TIGD5: variants seen among roughly 807,000 people sequenced by gnomAD.
The protein encoded by TIGD5 is tigger transposable element-derived protein 5.
Under a neutral mutation model 28.8 loss-of-function variants are expected in TIGD5, and 24 were observed. That is an observed-to-expected ratio of 0.83 (90% CI 0.60 to 1.17). TIGD5 has a LOEUF of 1.17. Among genes scored for constraint, TIGD5 ranks in the 50% most tolerant of loss-of-function variants. The probability of loss-of-function intolerance (pLI) is 0.00; values close to 1 mark genes in which losing one functional copy is unlikely to be tolerated. For missense variants in TIGD5, 922 were observed against 911.4 expected, an observed-to-expected ratio of 1.01 and a Z score of -0.15; for synonymous variants, 538 against 430.5, an observed-to-expected ratio of 1.25 and a Z score of -3.09.
In TIGD5 at chr8:143,599,416, G is replaced by A; in HGVS notation, c.1513G>A (p.Glu505Lys). The A allele has an allele frequency of 6.4e-7, 1 of 1,569,090 alleles. No individual in the cohort carries two copies. Among genetic ancestry groups the A allele is most frequent in the Non-Finnish European group, 8.6e-7 (1 of 1,157,870 alleles). ...GQPAQAEEAA[E>K]HSRVLSDLTH... ...GCCGGCCCAGGCCGAGGAAGCCGCC[G>A]AGCACAGCAGGGTGCTCAGCGACCT... Residue 505 changes from glutamate (E) to lysine (K), a missense_variant, in exon 1 of 1, where the codon GAG (glutamate) becomes AAG (lysine). This residue lies in a region of TIGD5 where 821 missense variants were observed against 815.2 expected (regional missense o/e 1.01). Coordinates refer to ENST00000504548, the MANE Select transcript of TIGD5 (RefSeq NM_032862.5).
Position 143,597,842 on chromosome 8 carries a change from C to A in TIGD5, c.-62C>A, listed in dbSNP as rs929246960. The A allele has an allele frequency of 1.4e-5, 6 of 431,148 alleles. No homozygotes were observed. The highest frequency in any genetic ancestry group is 1.1e-4 in the African/African-American group (5 of 46,544). The allele number at this position is 431,148 out of a possible 1,614,324, so 26.7% of individuals were successfully genotyped here. Reference sequence around the variant, plus strand: ...GCGGCCCCGCCCCCGAGTGCCCCGCCCCGAGCGGCTGGGCGTGTGGCTCCC... The same window carrying A: ...GCGGCCCCGCCCCCGAGTGCCCCGCACCGAGCGGCTGGGCGTGTGGCTCCC... On this transcript the variant is annotated 5_prime_UTR_variant, in exon 1 of 1. Coordinates refer to ENST00000504548, the MANE Select transcript of TIGD5 (RefSeq NM_032862.5).
At position 143,599,395 on chromosome 8, in the gene TIGD5, G is replaced by A. The variant is rs1228807987; in HGVS notation, c.1492G>A (p.Ala498Thr). Residue 498 changes from alanine to threonine, a missense_variant, in exon 1 of 1, where the codon GCC becomes ACC. By Grantham distance (58) the Ala-to-Thr change is moderately conservative. Transcript: ENST00000504548. The part of the protein sequence containing the change: ...RPGEDSAGQP[A>T]QAEEAAEHSR... Reference sequence around the variant, plus strand: ...CGGCGAGGACAGTGCTGGGCAGCCGGCCCAGGCCGAGGAAGCCGCCGAGCA... The same window carrying A: ...CGGCGAGGACAGTGCTGGGCAGCCGACCCAGGCCGAGGAAGCCGCCGAGCA... 1.3e-6 allele frequency: 2 copies of A among 1,566,524 alleles called. No individual in the cohort carries two copies. Among genetic ancestry groups the A allele is most frequent in the South Asian group, 2.3e-5 (2 of 86,326 alleles).
rs539515504 is a variant in TIGD5 at position 143,602,022 on chromosome 8, G to C, written c.*2190G>C. 1.3e-5 allele frequency: 2 copies of C among 151,394 alleles called. No homozygotes were observed. The highest frequency in any genetic ancestry group is 3.9e-4 in the East Asian group (2 of 5,134). 9.4% of individuals were successfully genotyped at this position (151,394 alleles called of 1,614,324 possible). A position where few individuals can be genotyped will look rare whatever the true frequency, so the allele number is the denominator to read the frequency against. On this transcript the variant is annotated 3_prime_UTR_variant, in exon 1 of 1. Coordinates refer to ENST00000504548, the MANE Select transcript of TIGD5 (RefSeq NM_032862.5). The stretch of plus-strand genomic sequence containing the variant: ...GAGGCACGAGAAATGCTTGAAGCCA[G>C]AAGGCAGAGATTGCAGTGAGCCAAG...
chr8:143,599,680 C>A lies in TIGD5; in HGVS notation c.1777C>A (p.Arg593=). ...TSVPTAGEAV[R]GLETALRWLE... ...AGTGCCGACTGCCGGGGAGGCCGTG[C>A]GGGGGCTAGAAACAGCTCTGCGGTG... Residue 593 remains arginine (R), a synonymous_variant, in exon 1 of 1, where the codon CGG becomes AGG. Transcript: ENST00000504548. The A allele has an allele frequency of 6.6e-7, 1 of 1,517,920 alleles. No homozygotes were observed. 94.0% of individuals were successfully genotyped at this position (1,517,920 alleles called of 1,614,324 possible).
rs934117269 is a variant in TIGD5 at position 143,602,889 on chromosome 8, G to C, written c.*3057G>C. The C allele has an allele frequency of 6.6e-6, 1 of 152,344 alleles. No homozygotes were observed. The highest frequency in any genetic ancestry group is 1.5e-5 in the Non-Finnish European group (1 of 68,090). The allele number at this position is 152,344 out of a possible 1,614,324, so 9.4% of individuals were successfully genotyped here. A position where few individuals can be genotyped will look rare whatever the true frequency, so the allele number is the denominator to read the frequency against. ...AAACCACCCGACCCGCGTTTTCAGG[G>C]GGACGAGGCCACTGCCTTGGCCCAA... On this transcript the variant is annotated 3_prime_UTR_variant, in exon 1 of 1. Transcript: ENST00000504548.
At position 143,597,848 on chromosome 8, in the gene TIGD5, C is replaced by A; in HGVS notation, c.-56C>A. On this transcript the variant is annotated 5_prime_UTR_variant, in exon 1 of 1. Transcript: ENST00000504548. ...CCGCCCCCGAGTGCCCCGCCCCGAG[C>A]GGCTGGGCGTGTGGCTCCCGCGACC... 1.9e-6 allele frequency: 1 copy of A among 512,950 alleles called. No individual in the cohort carries two copies. The highest frequency in any genetic ancestry group is 2.5e-6 in the Non-Finnish European group (1 of 400,670). 31.8% of individuals were successfully genotyped at this position (512,950 alleles called of 1,614,324 possible).
chr8:143,599,927 C>A lies in TIGD5; in HGVS notation c.*95C>A. The A allele has an allele frequency of 7.5e-7, 1 of 1,341,052 alleles. No individual in the cohort carries two copies. The highest frequency in any genetic ancestry group is 2.7e-5 in the East Asian group (1 of 37,546). The allele number at this position is 1,341,052 out of a possible 1,614,324, so 83.1% of individuals were successfully genotyped here. A position where few individuals can be genotyped will look rare whatever the true frequency, so the allele number is the denominator to read the frequency against. On this transcript the variant is annotated 3_prime_UTR_variant, in exon 1 of 1. Coordinates refer to ENST00000504548, the MANE Select transcript of TIGD5 (RefSeq NM_032862.5). The stretch of plus-strand genomic sequence containing the variant: ...CTCCTCCCCTCCCCCTGGGGTGGCC[C>A]ACCGCATGGGTACAGGGGGTTCCAG...
At position 143,599,797 on chromosome 8, in the gene TIGD5, G is replaced by A. The variant is rs575153535; in HGVS notation, c.1894G>A (p.Gly632Arg). Residue 632 changes from glycine (G) to arginine (R), a missense_variant, in exon 1 of 1, where the codon GGG (glycine) becomes AGG (arginine). Around this residue, in one of 3 missense-constraint regions of TIGD5, gnomAD observed 821 missense variants for 815.2 expected, o/e 1.01. Coordinates refer to ENST00000504548, the MANE Select transcript of TIGD5 (RefSeq NM_032862.5). ...CATGGCCCGGAGGCTGGGGGGCATC[G>A]GGCATACCCCAGCAGGCCCCTATGA... The part of the protein sequence containing the change: ...ISMARRLGGI[G>R]HTPAGPYDGV The A allele has an allele frequency of 5.7e-5, 84 of 1,485,042 alleles. No individual in the cohort carries two copies. Among genetic ancestry groups the A allele is most frequent in the African/African-American group, 4.7e-4 (33 of 70,794 alleles). The allele number at this position is 1,485,042 out of a possible 1,614,324, so 92.0% of individuals were successfully genotyped here.
In TIGD5 at chr8:143,603,087, A is replaced by C. The variant is rs1277174246; in HGVS notation, c.*3255A>C. ...GGGAGCAGCCCCAACAGCATGTCGG[A>C]GTCCCTAGGCTTGTGGGGTCATGCT... On this transcript the variant is annotated 3_prime_UTR_variant, in exon 1 of 1. Coordinates refer to ENST00000504548, the MANE Select transcript of TIGD5 (RefSeq NM_032862.5). 1 of 152,210 alleles carries C rather than the reference A, an allele frequency of 6.6e-6. No homozygotes were observed. Among genetic ancestry groups the C allele is most frequent in the Admixed American group, 6.5e-5 (1 of 15,284 alleles). 9.4% of individuals were successfully genotyped at this position (152,210 alleles called of 1,614,324 possible).
At position 143,598,665 on chromosome 8, in the gene TIGD5, G is replaced by GC; in HGVS notation, c.767dup (p.Ala258ArgfsTer77). 1 of 1,499,202 alleles carries GC rather than the reference G, an allele frequency of 6.7e-7. No individual in the cohort carries two copies. Among genetic ancestry groups the GC allele is most frequent in the Admixed American group, 2.3e-5 (1 of 43,038 alleles). 92.9% of individuals were successfully genotyped at this position (1,499,202 alleles called of 1,614,324 possible). A position where few individuals can be genotyped will look rare whatever the true frequency, so the allele number is the denominator to read the frequency against. On this transcript the variant is annotated frameshift_variant, in exon 1 of 1. Coordinates refer to ENST00000504548, the MANE Select transcript of TIGD5 (RefSeq NM_032862.5). LOFTEE classifies it high-confidence loss of function. The surrounding 1 kb of genome is among the most constrained non-coding windows in gnomAD (Gnocchi z 6.6). The stretch of plus-strand genomic sequence containing the variant: ...GGAAGCTGCTTCCGGAGCAGGCTGC[G>GC]CCCCCGGGCGCAGGGGACCCCGGGG...
At position 143,599,406 on chromosome 8, in the gene TIGD5, G is replaced by A; in HGVS notation, c.1503G>A (p.Glu501=). Residue 501 remains glutamate (E), a synonymous_variant, in exon 1 of 1, where the codon GAG becomes GAA. Coordinates refer to ENST00000504548, the MANE Select transcript of TIGD5 (RefSeq NM_032862.5). Reference sequence around the variant, plus strand: ...GTGCTGGGCAGCCGGCCCAGGCCGAGGAAGCCGCCGAGCACAGCAGGGTGC... The same window carrying A: ...GTGCTGGGCAGCCGGCCCAGGCCGAAGAAGCCGCCGAGCACAGCAGGGTGC... The part of the protein sequence containing the change: ...EDSAGQPAQA[E]EAAEHSRVLS... 3.8e-6 allele frequency: 6 copies of A among 1,566,520 alleles called. No homozygotes were observed. Among genetic ancestry groups the A allele is most frequent in the Non-Finnish European group, 5.2e-6 (6 of 1,156,536 alleles).
Position 143,598,844 on chromosome 8 carries a change from C to T in TIGD5, c.941C>T (p.Ser314Phe). ...CACAACCAGGACAAGTTCCCGGCCT[C>T]CTACCGCTACAGCCCCGACGCCTGG... ...RHHNQDKFPA[S>F]YRYSPDAWLS... Residue 314 changes from serine (S) to phenylalanine (F), a missense_variant, in exon 1 of 1, where the codon TCC (serine) becomes TTC (phenylalanine). Ser to Phe is a radical substitution (Grantham distance 155). Coordinates refer to ENST00000504548, the MANE Select transcript of TIGD5 (RefSeq NM_032862.5). The surrounding 1 kb of genome is among the most constrained non-coding windows in gnomAD (Gnocchi z 6.6). 1.9e-6 allele frequency: 3 copies of T among 1,600,920 alleles called. No individual in the cohort carries two copies. Among genetic ancestry groups the T allele is most frequent in the Non-Finnish European group, 2.5e-6 (3 of 1,179,616 alleles).
chr8:143,599,901 T>C lies in TIGD5; in HGVS notation c.*69T>C. ...GGGGACATACACACAGTCTCCCATC[T>C]CTCCTCCCCTCCCCCTGGGGTGGCC... is the stretch of plus-strand genomic sequence containing the variant. On this transcript the variant is annotated 3_prime_UTR_variant, in exon 1 of 1. Coordinates refer to ENST00000504548, the MANE Select transcript of TIGD5 (RefSeq NM_032862.5). 7.2e-7 allele frequency: 1 copy of C among 1,388,106 alleles called. No individual in the cohort carries two copies. 86.0% of individuals were successfully genotyped at this position (1,388,106 alleles called of 1,614,324 possible). A position where few individuals can be genotyped will look rare whatever the true frequency, so the allele number is the denominator to read the frequency against.
In TIGD5 at chr8:143,598,623, C is replaced by A; in HGVS notation, c.720C>A (p.Ser240Arg). 2 of 1,470,342 alleles carry A rather than the reference C, an allele frequency of 1.4e-6. No individual in the cohort carries two copies. The highest frequency in any genetic ancestry group is 1.5e-5 in the African/African-American group (1 of 66,762). The allele number at this position is 1,470,342 out of a possible 1,614,324, so 91.1% of individuals were successfully genotyped here. Residue 240 changes from serine (S) to arginine (R), a missense_variant, in exon 1 of 1, where the codon AGC (serine) becomes AGA (arginine). By Grantham distance (110) the Ser-to-Arg change is moderately radical (BLOSUM62 -1). Around this residue, in one of 3 missense-constraint regions of TIGD5, gnomAD observed 821 missense variants for 815.2 expected, o/e 1.01. Coordinates refer to ENST00000504548, the MANE Select transcript of TIGD5 (RefSeq NM_032862.5). The surrounding 1 kb of genome is among the most constrained non-coding windows in gnomAD (Gnocchi z 6.6). ...GGGACGAGCAGATTTACAGCGCCAG[C>A]GTCACCGGCCTCTACTGGAAGCTGC... ...GYGDEQIYSA[S>R]VTGLYWKLLP... is the part of the protein sequence containing the mutation.
chr8:143,601,376 G>C lies in TIGD5; in HGVS notation c.*1544G>C, dbSNP rs1019848709. ...CAGGCCACCGCCACCTGCAGGAAGA[G>C]CCTCTGGCCTGAACTGCTGGGGATG... On this transcript the variant is annotated 3_prime_UTR_variant, in exon 1 of 1. Transcript: ENST00000504548. The C allele has an allele frequency of 6.6e-6, 1 of 152,258 alleles. No homozygotes were observed. Among genetic ancestry groups the C allele is most frequent in the Admixed American group, 6.5e-5 (1 of 15,286 alleles). The allele number at this position is 152,258 out of a possible 1,614,324, so 9.4% of individuals were successfully genotyped here. A position where few individuals can be genotyped will look rare whatever the true frequency, so the allele number is the denominator to read the frequency against.
rs1829283807 is a variant in TIGD5, at chr8:143,602,538, C to G, written c.*2706C>G. The G allele has an allele frequency of 3.3e-5, 5 of 152,298 alleles. No homozygotes were observed. Among genetic ancestry groups the G allele is most frequent in the Admixed American group, 2.6e-4 (4 of 15,292 alleles). The allele number at this position is 152,298 out of a possible 1,614,324, so 9.4% of individuals were successfully genotyped here. ...AAAGCTGCGCGGGTGCCATCGCCTGCCAGGCCCTGGCTGTGGTGACAGACG... is the reference window on the plus strand; with the variant it reads ...AAAGCTGCGCGGGTGCCATCGCCTGGCAGGCCCTGGCTGTGGTGACAGACG... On this transcript the variant is annotated 3_prime_UTR_variant, in exon 1 of 1. Coordinates refer to ENST00000504548, the MANE Select transcript of TIGD5 (RefSeq NM_032862.5).
chr8:143,599,829 G>GTGACGGTGTT lies in TIGD5; in HGVS notation c.*1_*2insGGTGTTTGAC. ...CCCCAGCAGGCCCCTATGACGGTGTGTGACCAGGCCAGCCCAGTGACCTTT... is the reference window on the plus strand; with the variant it reads ...CCCCAGCAGGCCCCTATGACGGTGTGTGACGGTGTTTGACCAGGCCAGCCCAGTGACCTTT... On this transcript the variant is annotated frameshift_variant and stop_retained_variant, in exon 1 of 1. Coordinates refer to ENST00000504548, the MANE Select transcript of TIGD5 (RefSeq NM_032862.5). LOFTEE classifies it high-confidence loss of function. 1 of 1,474,426 alleles carries GTGACGGTGTT rather than the reference G, an allele frequency of 6.8e-7. No individual in the cohort carries two copies. The highest frequency in any genetic ancestry group is 8.9e-7 in the Non-Finnish European group (1 of 1,122,444). The allele number at this position is 1,474,426 out of a possible 1,614,324, so 91.3% of individuals were successfully genotyped here. A position where few individuals can be genotyped will look rare whatever the true frequency, so the allele number is the denominator to read the frequency against.
In TIGD5 at chr8:143,597,914, C is replaced by A; in HGVS notation, c.11C>A (p.Ala4Glu). 1 of 854,950 alleles carries A rather than the reference C, an allele frequency of 1.2e-6. No individual in the cohort carries two copies. Among genetic ancestry groups the A allele is most frequent in the Non-Finnish European group, 1.4e-6 (1 of 713,526 alleles). The allele number at this position is 854,950 out of a possible 1,614,324, so 53.0% of individuals were successfully genotyped here. A position where few individuals can be genotyped will look rare whatever the true frequency, so the allele number is the denominator to read the frequency against. The change falls in exon 1 of 1, where the codon GCG (alanine) becomes GAG (glutamate). Residue 4 changes from alanine (A) to glutamate (E), a missense_variant. Ala to Glu is a moderately radical substitution (Grantham distance 107). Around this residue, in one of 3 missense-constraint regions of TIGD5, gnomAD observed 87 missense variants for 60.9 expected, o/e 1.43. Transcript: ENST00000504548. MYP[A>E]GPPAGPVPRR... ...CCCCCCGCCGCAGCCATGTACCCCG[C>A]GGGCCCCCCGGCCGGCCCGGTACCG...
chr8:143,598,912 G>T lies in TIGD5; in HGVS notation c.1009G>T (p.Val337Phe), dbSNP rs1829177045. Reference protein sequence around the residue: ...LLRGWFFEEFVPGVKRYLRRS... With the variant: ...LLRGWFFEEFFPGVKRYLRRS... ...GCGGGGCTGGTTCTTTGAGGAATTT[G>T]TCCCAGGCGTCAAACGCTACCTGCG... The change falls in exon 1 of 1, where the codon GTC (valine) becomes TTC (phenylalanine). Residue 337 changes from valine to phenylalanine, a missense_variant. Physicochemically the swap from Val to Phe is conservative, Grantham distance 50 (BLOSUM62 -1). This residue lies in a region of TIGD5 where 821 missense variants were observed against 815.2 expected (regional missense o/e 1.01). Coordinates refer to ENST00000504548, the MANE Select transcript of TIGD5 (RefSeq NM_032862.5). The surrounding 1 kb of genome is among the most constrained non-coding windows in gnomAD (Gnocchi z 6.6). 1 of 1,596,424 alleles carries T rather than the reference G, an allele frequency of 6.3e-7. No individual in the cohort carries two copies. The highest frequency in any genetic ancestry group is 8.5e-7 in the Non-Finnish European group (1 of 1,178,828).
Sources: allele counts gnomAD v4.1 joint callset, GRCh38; gene constraint gnomAD v4.1.1; regional missense constraint gnomAD v4.1.1; non-coding constraint Gnocchi (gnomAD v3.1); transcripts MANE v1.5; gene names NCBI Gene and HGNC (gene_info 2026-07-23, HGNC 2026-07-21).